Variants in FBXO22 observed in about 807,000 individuals in gnomAD.
The protein encoded by FBXO22 is F-box protein 22.
FBXO22 carries 13 observed loss-of-function variants against 37.2 expected under a neutral mutation model. The ratio of observed to expected loss-of-function variants is 0.35; its 90% CI spans 0.23 to 0.56. FBXO22 has a LOEUF of 0.56. Ranked by LOEUF, FBXO22 falls within the 20% of genes least tolerant of loss-of-function variation. The probability of loss-of-function intolerance (pLI) is 0.87; values close to 1 mark genes in which losing one functional copy is unlikely to be tolerated. For missense variants in FBXO22, 446 were observed against 509.9 expected, an observed-to-expected ratio of 0.87 and a Z score of 1.21; for synonymous variants, 189 against 189.1, an observed-to-expected ratio of 1.00 and a Z score of 0.00.
In FBXO22 at chr15:75,930,068, T is replaced by C. The variant is rs2029959903; in HGVS notation, c.794+19T>C. ...CTGAAAAGTATGTCTTGTGTGCTTCTGATTTCGTCTGTGAATGAAGGGAAA... is the reference window on the plus strand; with the variant it reads ...CTGAAAAGTATGTCTTGTGTGCTTCCGATTTCGTCTGTGAATGAAGGGAAA... On this transcript the variant is annotated intron_variant, in intron 6 of 6. Coordinates refer to ENST00000308275, the MANE Select transcript of FBXO22 (RefSeq NM_147188.3). 1 of 1,613,644 alleles carries C rather than the reference T, an allele frequency of 6.2e-7. No individual in the cohort carries two copies. Among genetic ancestry groups the C allele is most frequent in the African/African-American group, 1.3e-5 (1 of 74,942 alleles).
intron 4 of FBXO22, among the ~76,000 whole-genome samples, 182 bp downstream of exon 4, chr15:75,914,387 C>T (rs1013199379): frequency 2.0e-5 from 3 of 152,150 alleles, no homozygotes; most frequent in Non-Finnish European, 4.4e-5. Flanking sequence ...AGTTATTGTA[C>T]TTCTCATCTC....
intron 4 of FBXO22, among the ~76,000 whole-genome samples, chr15:75,916,359 C>T (rs921787844): frequency 8.5e-5 from 13 of 152,140 alleles, no homozygotes; most frequent in African/African-American, 3.1e-4. Flanking sequence ...GCTAGAAGTC[C>T]AAGATCGGGG....
chr15:75,917,409 TTTATCA>T lies in FBXO22; in HGVS notation c.628+19_628+24del. 1 of 1,536,772 alleles carries T rather than the reference TTTATCA, an allele frequency of 6.5e-7. No homozygotes were observed. The highest frequency in any genetic ancestry group is 2.3e-5 in the East Asian group (1 of 44,284). On this transcript the variant is annotated intron_variant, in intron 5 of 6. Transcript: ENST00000308275. ...CACTGAAGTAGGTAAGTTACTTTTA[TTTATCA>T]TTAACTGCTCATTTTATTGATTAAT... is the stretch of plus-strand genomic sequence containing the variant.
At chr15:75,914,071 A>G in intron 3 of FBXO22, 39 bp from the exon 4 acceptor site, 1 of 1,430,298 alleles carries the variant, frequency 7.0e-7, no homozygotes. Context: ...TTGACTTTAA[A>G]TGGATGATAT....
In FBXO22 at chr15:75,935,424, C is replaced by T. The variant is rs2141730170; in HGVS notation, c.*2322C>T. 6.6e-6 allele frequency: 1 copy of T among 152,210 alleles called. No individual in the cohort carries two copies. The highest frequency in any genetic ancestry group is 2.1e-4 in the South Asian group (1 of 4,826). The allele number at this position is 152,210 out of a possible 1,614,324, so 9.4% of individuals were successfully genotyped here. A position where few individuals can be genotyped will look rare whatever the true frequency, so the allele number is the denominator to read the frequency against. ...CATAGAATACTTTATTTAATCAAGA[C>T]ATTTAAAAATACTTATTTCATCTAC... is the stretch of plus-strand genomic sequence containing the variant. On this transcript the variant is annotated 3_prime_UTR_variant, in exon 7 of 7. Coordinates refer to ENST00000308275, the MANE Select transcript of FBXO22 (RefSeq NM_147188.3).
intron 1 of FBXO22, 25 bp from the exon 2 acceptor site, chr15:75,904,466 A>G: frequency 6.2e-7 from 1 of 1,613,032 alleles, no homozygotes; most frequent in African/African-American, 1.3e-5. Context: ...TCCGTTCGCA[A>G]TCCTTTGTGC....
At position 75,941,952 on chromosome 15, in the gene FBXO22, A is replaced by AC. The variant is rs1157184391; in HGVS notation, c.*8850_*8851insC. 5.8e-5 allele frequency: 7 copies of AC among 120,252 alleles called. No homozygotes were observed. In the South Asian group the frequency reaches 9.0e-4, roughly 16 times the overall value. 7.4% of individuals were successfully genotyped at this position (120,252 alleles called of 1,614,324 possible). A position where few individuals can be genotyped will look rare whatever the true frequency, so the allele number is the denominator to read the frequency against. On this transcript the variant is annotated 3_prime_UTR_variant, in exon 7 of 7. Transcript: ENST00000308275. ...ATTTTTAAACCACCAAAAAAAAAAA[A>AC]AAAAAAAAATATGGCCTAGCTTTTT...
intron 5 of FBXO22, among the ~76,000 whole-genome samples, chr15:75,921,009 A>G (rs1273451491): frequency 6.6e-6 from 1 of 152,158 alleles, no homozygotes; most frequent in African/African-American, 2.4e-5. Context: ...TGAATGTCAT[A>G]GTACTTACAC....
At chr15:75,930,720 CAATT>C in intron 6 of FBXO22, 2 of 985,342 alleles carry the variant, frequency 2.0e-6, no homozygotes, top group Non-Finnish European at 2.4e-6. Context: ...GAGTTTGAAA[CAATT>C]AGGTGGACAT....
intron 5 of FBXO22, among the ~76,000 whole-genome samples, chr15:75,927,043 T>C (rs1173678982): frequency 6.6e-6 from 1 of 152,228 alleles, no homozygotes. Flanking sequence ...AGCAAAGATT[T>C]TCCTTATGAA....
rs752727684 is a variant in FBXO22 at position 75,939,288 on chromosome 15, G to T, written c.*6186G>T. 2.6e-5 allele frequency: 4 copies of T among 151,934 alleles called. No homozygotes were observed. Among genetic ancestry groups the T allele is most frequent in the African/African-American group, 9.7e-5 (4 of 41,368 alleles). 9.4% of individuals were successfully genotyped at this position (151,934 alleles called of 1,614,324 possible). ...TCTAGATTCTAGAAAAATGAAAAGG[G>T]TTATAGAAGAATACCTTCGACAATC... On this transcript the variant is annotated 3_prime_UTR_variant, in exon 7 of 7. Transcript: ENST00000308275.
intron 5 of FBXO22, among the ~76,000 whole-genome samples, chr15:75,923,983 A>G (rs966475825): frequency 2.6e-5 from 4 of 152,202 alleles, no homozygotes; most frequent in Admixed American, 1.3e-4. Flanking sequence ...GTATGTGGCT[A>G]GCGCAGCTGT....
Position 75,904,082 on chromosome 15 carries a change from A to G in FBXO22, c.119A>G (p.Lys40Arg), listed in dbSNP as rs1225241455. 40 of 1,547,758 alleles carry G rather than the reference A, an allele frequency of 2.6e-5. No individual in the cohort carries two copies. The highest frequency in any genetic ancestry group is 3.2e-5 in the Non-Finnish European group (37 of 1,144,424). The change falls in exon 1 of 7, where the codon AAG becomes AGG. Residue 40 changes from lysine to arginine, a missense_variant. By Grantham distance (26) the Lys-to-Arg change is conservative (BLOSUM62 2). Coordinates refer to ENST00000308275, the MANE Select transcript of FBXO22 (RefSeq NM_147188.3). Reference protein sequence around the residue: ...VERVLTFLPAKALLRVACVCR... With the variant: ...VERVLTFLPARALLRVACVCR... ...CGTGTGCTCACCTTCCTGCCCGCCA[A>G]GGCGTTGCTGCGGGTGGCCTGGTGA...
intron 6 of FBXO22, chr15:75,930,937 T>G (rs117392811): frequency 0.022 from 18,937 of 867,806 alleles, 263 homozygotes; most frequent in Non-Finnish European, 0.025. Flanking sequence ...ATGAGCTAGA[T>G]CTGGGAAAAT....
chr15:75,907,968 C>T (rs938923377), intron 2 of FBXO22, among the ~76,000 whole-genome samples: 4 of 151,848 alleles, frequency 2.6e-5, no homozygotes, highest in Non-Finnish European at 5.9e-5. Context: ...TTTTTAAAGT[C>T]CACCAAAAGC....
intron 5 of FBXO22, among the ~76,000 whole-genome samples, chr15:75,923,975 A>G (rs1281347414): frequency 1.3e-5 from 2 of 152,160 alleles, no homozygotes; most frequent in African/African-American, 4.8e-5. Flanking sequence ...TCATGCGGGT[A>G]TGTGGCTAGC....
rs1299750578 is a variant in FBXO22 at position 75,942,083 on chromosome 15, A to C, written c.*8981A>C. On this transcript the variant is annotated 3_prime_UTR_variant, in exon 7 of 7. Transcript: ENST00000308275. The stretch of plus-strand genomic sequence containing the variant: ...AAGAAGTTAGTCTGAAAGGCTACAT[A>C]CTACATGATTTCAAATATATGACAT... 6.6e-6 allele frequency: 1 copy of C among 151,734 alleles called. No individual in the cohort carries two copies. The highest frequency in any genetic ancestry group is 2.4e-5 in the African/African-American group (1 of 41,270). 9.4% of individuals were successfully genotyped at this position (151,734 alleles called of 1,614,324 possible).
At position 75,938,833 on chromosome 15, in the gene FBXO22, T is replaced by C. The variant is rs2030646633; in HGVS notation, c.*5731T>C. ...TTAGAAATCAGTAACAAAAGGAAAA[T>C]TGGAAAATTCACAAACTTGTGGAAA... is the stretch of plus-strand genomic sequence containing the variant. On this transcript the variant is annotated 3_prime_UTR_variant, in exon 7 of 7. Transcript: ENST00000308275. 1 of 151,706 alleles carries C rather than the reference T, an allele frequency of 6.6e-6. No homozygotes were observed. Among genetic ancestry groups the C allele is most frequent in the South Asian group, 2.1e-4 (1 of 4,790 alleles). The allele number at this position is 151,706 out of a possible 1,614,324, so 9.4% of individuals were successfully genotyped here.
At chr15:75,904,669 T>G in intron 2 of FBXO22, 40 bp downstream of exon 2, 1 of 1,542,284 alleles carries the variant, frequency 6.5e-7, no homozygotes, top group Non-Finnish European at 8.7e-7. Context: ...ATTTGCAGGT[T>G]GGTGGTTCAG....
Sources: gnomAD v4.1 joint callset for allele counts (sites outside exome capture counted in the v4.1 genomes callset) on GRCh38, gnomAD v4.1.1 for gene constraint, MANE v1.5 for transcripts, NCBI Gene and HGNC (gene_info 2026-07-23, HGNC 2026-07-21) for gene names.